The following TBC1D16 variants were observed in gnomAD, a reference collection of about 807,000 sequenced individuals.
The protein encoded by TBC1D16 is TBC1 domain family member 16.
A neutral mutation model predicts 74.7 loss-of-function variants in TBC1D16; 58 were observed. The observed-to-expected ratio is 0.78, with a 90% CI of 0.63 to 0.97. The LOEUF (loss-of-function observed/expected upper bound fraction) is 0.97, where lower values mean the gene tolerates loss of function less well. Among genes scored for constraint, TBC1D16 ranks in the 50% least tolerant of loss-of-function variants. The pLI is 0.00. For missense variants in TBC1D16, 1,014 were observed against 1,079.5 expected (o/e 0.94, Z 0.85); for synonymous variants, 493 against 474.7 (o/e 1.04, Z -0.50).
rs1298651004 is a variant in TBC1D16, at chr17:80,007,770, TC to T, written c.779+2389del. On this transcript the variant is annotated intron_variant, in intron 3 of 11. Transcript: ENST00000310924. The surrounding 1 kb of genome is among the most constrained non-coding windows in gnomAD (Gnocchi z 4.5). Reference sequence around the variant, plus strand: ...ATGAGGCAGAGAGAGCCCCACAAGATCTAGAGGCAGAGAGGACGACGAACTT... The same window carrying T: ...ATGAGGCAGAGAGAGCCCCACAAGATTAGAGGCAGAGAGGACGACGAACTT... Among the ~76,000 whole-genome samples, 6 of 151,448 alleles carry T rather than the reference TC, an allele frequency of 4.0e-5. No homozygotes were observed. Among genetic ancestry groups the T allele is most frequent in the African/African-American group, 1.2e-4 (5 of 41,170 alleles).
intron 1 of TBC1D16, among the ~76,000 whole-genome samples, chr17:80,034,699 T>C (rs1044323244): frequency 1.3e-5 from 2 of 152,240 alleles, no homozygotes; most frequent in Non-Finnish European, 2.9e-5. Flanking sequence ...AAGTGTTTAG[T>C]ATTCACCAAT....
At chr17:79,970,136 G>A (rs1007745234) in intron 3 of TBC1D16, among the ~76,000 whole-genome samples, 1 of 152,098 alleles carries the variant, frequency 6.6e-6, no homozygotes, top group Non-Finnish European at 1.5e-5. Context: ...GTTACAACAC[G>A]GATGAATCCT....
chr17:80,006,675 T>C (rs1368864397), intron 3 of TBC1D16, among the ~76,000 whole-genome samples: 2 of 151,368 alleles, frequency 1.3e-5, no homozygotes, highest in African/African-American at 2.4e-5. Flanking sequence ...TTTTTTTTTT[T>C]CCAGACAGAG....
chr17:80,002,696 C>A (rs2035536359), intron 3 of TBC1D16, among the ~76,000 whole-genome samples: 1 of 152,254 alleles, frequency 6.6e-6, no homozygotes, highest in Non-Finnish European at 1.5e-5. Context: ...GGCATGGAGG[C>A]CTCCCGCTGT....
At position 79,944,064 on chromosome 17, in the gene TBC1D16, G is replaced by C; in HGVS notation, c.1908+844C>G. Reference sequence around the variant, plus strand: ...GCATGCAAAGGCGGCGTGTGGTACCGGCACTCGGTGGCTTCAGACTCGCTT... The same window carrying C: ...GCATGCAAAGGCGGCGTGTGGTACCCGCACTCGGTGGCTTCAGACTCGCTT... On this transcript the variant is annotated intron_variant, in intron 10 of 11. Coordinates refer to ENST00000310924, the MANE Select transcript of TBC1D16 (RefSeq NM_019020.4). This position sits in a 1 kb window ranked among gnomAD's most constrained non-coding sequence, Gnocchi z 7.7. The C allele has an allele frequency of 1.3e-6, 2 of 1,536,006 alleles. No individual in the cohort carries two copies. The highest frequency in any genetic ancestry group is 1.2e-5 in the South Asian group (1 of 84,052).
chr17:80,025,118 C>T (rs117816810), intron 1 of TBC1D16, among the ~76,000 whole-genome samples: 16,879 of 96,404 alleles, frequency 0.18, 7,845 homozygotes, highest in Non-Finnish European at 0.2. Flanking sequence ...ACAAACACCA[C>T]AGACACACAC....
In TBC1D16 at chr17:79,950,402, G is replaced by A. The variant is rs367574438; in HGVS notation, c.1257+9C>T. 7 of 1,602,036 alleles carry A rather than the reference G, an allele frequency of 4.4e-6. No homozygotes were observed. The highest frequency in any genetic ancestry group is 1.7e-5 in the Admixed American group (1 of 59,126). Reference sequence around the variant, plus strand: ...TCCGCGGGGCCAGCTGGGCGGACCCGGACCTCACCTTCCGCAGCTTGTACT... The same window carrying A: ...TCCGCGGGGCCAGCTGGGCGGACCCAGACCTCACCTTCCGCAGCTTGTACT... On this transcript the variant is annotated intron_variant, in intron 6 of 11. Transcript: ENST00000310924. This position sits in a 1 kb window ranked among gnomAD's most constrained non-coding sequence, Gnocchi z 4.6.
At chr17:79,972,911 G>A (rs1298896291) in intron 3 of TBC1D16, among the ~76,000 whole-genome samples, 1 of 151,986 alleles carries the variant, frequency 6.6e-6, no homozygotes, top group Non-Finnish European at 1.5e-5. Context: ...ATGAAACCCC[G>A]TCTCTACTAA....
intron 3 of TBC1D16, among the ~76,000 whole-genome samples, chr17:79,955,669 G>C (rs1374167642): frequency 6.6e-6 from 1 of 152,160 alleles, no homozygotes; most frequent in Non-Finnish European, 1.5e-5. Context: ...TATTACATTA[G>C]AAAGATCTCA....
Position 80,013,625 on chromosome 17 carries a change from A to T in TBC1D16, c.-62-16T>A, listed in dbSNP as rs2035981516. ...CAAGACCTGCCTGGGGGAGGAAGAG[A>T]GAGGAGATGGTCAAGGTTGTGGACT... On this transcript the variant is annotated splice_polypyrimidine_tract_variant and intron_variant, in intron 1 of 11. Transcript: ENST00000310924. 1 of 1,399,098 alleles carries T rather than the reference A, an allele frequency of 7.1e-7. No homozygotes were observed. Among genetic ancestry groups the T allele is most frequent in the South Asian group, 1.5e-5 (1 of 66,540 alleles). 86.7% of individuals were successfully genotyped at this position (1,399,098 alleles called of 1,614,324 possible). A position where few individuals can be genotyped will look rare whatever the true frequency, so the allele number is the denominator to read the frequency against.
Position 79,941,478 on chromosome 17 carries a change from C to A in TBC1D16, c.2056-371G>T, listed in dbSNP as rs2031978152. ...GCAGCACCCCTCTCTTCTTCCCCCGCACCTTGCTCCACCCCCCACCCCCAG... is the reference window on the plus strand; with the variant it reads ...GCAGCACCCCTCTCTTCTTCCCCCGAACCTTGCTCCACCCCCCACCCCCAG... On this transcript the variant is annotated intron_variant, in intron 11 of 11. Coordinates refer to ENST00000310924, the MANE Select transcript of TBC1D16 (RefSeq NM_019020.4). The surrounding 1 kb of genome is among the most constrained non-coding windows in gnomAD (Gnocchi z 4.3). Among the ~76,000 whole-genome samples, 1 of 152,270 alleles carries A rather than the reference C, an allele frequency of 6.6e-6. No homozygotes were observed. The highest frequency in any genetic ancestry group is 2.1e-4 in the South Asian group (1 of 4,832).
intron 1 of TBC1D16, among the ~76,000 whole-genome samples, chr17:80,018,440 C>T (rs1421338019): frequency 2.7e-5 from 4 of 149,166 alleles, no homozygotes; most frequent in Non-Finnish European, 5.9e-5. Context: ...CGCCACCATG[C>T]CCGGCTAATT....
intron 10 of TBC1D16, 118 bp from the exon 11 acceptor site, chr17:79,942,324 C>G: frequency 1.7e-6 from 2 of 1,143,868 alleles, no homozygotes; most frequent in Non-Finnish European, 2.4e-6. Flanking sequence ...TCTGGGCTCA[C>G]AGCCCAGCTC....
chr17:79,987,698 C>T lies in TBC1D16; in HGVS notation c.779+22462G>A, dbSNP rs1051593636. Among the ~76,000 whole-genome samples, 2 of 152,190 alleles carry T rather than the reference C, an allele frequency of 1.3e-5. No individual in the cohort carries two copies. The highest frequency in any genetic ancestry group is 3.9e-4 in the East Asian group (2 of 5,194). On this transcript the variant is annotated intron_variant, in intron 3 of 11. Coordinates refer to ENST00000310924, the MANE Select transcript of TBC1D16 (RefSeq NM_019020.4). The surrounding 1 kb of genome is among the most constrained non-coding windows in gnomAD (Gnocchi z 5.2). ...TTCCACTCCCAGCCACAGCCTCCCTCTGCGGGCAGAACCCTGGGTGCTGCA... is the reference window on the plus strand; with the variant it reads ...TTCCACTCCCAGCCACAGCCTCCCTTTGCGGGCAGAACCCTGGGTGCTGCA...
At chr17:79,972,422 G>T (rs904507757) in intron 3 of TBC1D16, among the ~76,000 whole-genome samples, 5 of 152,016 alleles carry the variant, frequency 3.3e-5, no homozygotes, top group Admixed American at 3.3e-4. Context: ...TGGTCCACCC[G>T]CCTTGGCCTC....
chr17:79,943,718 C>T lies in TBC1D16; in HGVS notation c.1908+1190G>A, dbSNP rs1049631267. 15 of 774,914 alleles carry T rather than the reference C, an allele frequency of 1.9e-5. No homozygotes were observed. The African/African-American group carries it at 2.8e-4, about 14-fold the overall frequency. 48.0% of individuals were successfully genotyped at this position (774,914 alleles called of 1,614,324 possible). ...GAGATCCCACGTCACGTGGGCCTCC[C>T]GCTGGAATTCTGACTAGATCTCATT... On this transcript the variant is annotated intron_variant, in intron 10 of 11. Coordinates refer to ENST00000310924, the MANE Select transcript of TBC1D16 (RefSeq NM_019020.4).
chr17:80,028,902 G>A (rs1313655114), intron 1 of TBC1D16, among the ~76,000 whole-genome samples: 5 of 152,042 alleles, frequency 3.3e-5, no homozygotes, highest in Admixed American at 2.0e-4. Flanking sequence ...GTGAGCCACC[G>A]CCCCGAGCCG....
At chr17:80,016,754 C>T (rs2036104663) in intron 1 of TBC1D16, among the ~76,000 whole-genome samples, 1 of 152,222 alleles carries the variant, frequency 6.6e-6, no homozygotes, top group Admixed American at 6.5e-5. Context: ...TTCCTCTCCT[C>T]TGACCCCCTC....
rs1026632442 is a variant in TBC1D16, at chr17:79,985,744, C to T, written c.779+24416G>A. 2.6e-5 allele frequency among the ~76,000 whole-genome samples: 4 copies of T among 152,192 alleles called. No individual in the cohort carries two copies. The highest frequency in any genetic ancestry group is 2.0e-4 in the Admixed American group (3 of 15,282). ...TTCTGTGTGAAGACCTCTCTAATTG[C>T]GCACACTCCCCCCTCGGCTGGGTCC... On this transcript the variant is annotated intron_variant, in intron 3 of 11. Transcript: ENST00000310924. This position sits in a 1 kb window ranked among gnomAD's most constrained non-coding sequence, Gnocchi z 4.9.
Sources: allele counts gnomAD v4.1 joint callset (sites outside exome capture counted in the v4.1 genomes callset), GRCh38; gene constraint gnomAD v4.1.1; non-coding constraint Gnocchi (gnomAD v3.1); transcripts MANE v1.5; gene names NCBI Gene and HGNC (gene_info 2026-07-23, HGNC 2026-07-21).